Variants in PAX5 observed in about 807,000 individuals in gnomAD.
PAX5 encodes the protein paired box protein Pax-5.
PAX5 carries 9 observed loss-of-function variants against 43.7 expected under a neutral mutation model. The ratio of observed to expected loss-of-function variants is 0.21; its 90% CI spans 0.12 to 0.36. The LOEUF is 0.36. Among genes scored for constraint, PAX5 ranks in the 10% least tolerant of loss-of-function variants. The probability of loss-of-function intolerance (pLI) is 1.00; values close to 1 mark genes in which losing one functional copy is unlikely to be tolerated. For synonymous variants in PAX5, 228 were observed against 214.3 expected (o/e 1.06, Z -0.56); for missense variants, 383 against 532.7 (o/e 0.72, Z 2.77).
At chr9:36,988,685 A>G (rs1461346928) in intron 5 of PAX5, among the ~76,000 whole-genome samples, 798 of 33,996 alleles carry the variant, frequency 0.023, 6 homozygotes, top group African/African-American at 0.054. Flanking sequence ...AAAAAAAAAA[A>G]AGAGAGAGAG....
At chr9:37,004,737 T>G (rs2132413329) in intron 4 of PAX5, among the ~76,000 whole-genome samples, 1 of 152,314 alleles carries the variant, frequency 6.6e-6, no homozygotes, top group Non-Finnish European at 1.5e-5. Flanking sequence ...ACTTGGTACT[T>G]TAAACAACAA....
intron 8 of PAX5, among the ~76,000 whole-genome samples, chr9:36,855,668 G>T (rs1013243346): frequency 6.6e-6 from 1 of 152,088 alleles, no homozygotes; most frequent in Non-Finnish European, 1.5e-5. Context: ...AGGCCCTTCA[G>T]GGGCTGGTTC....
Position 37,034,103 on chromosome 9 carries a change from T to TTTTTTC in PAX5, c.-73_-72insGAAAAA. On this transcript the variant is annotated 5_prime_UTR_variant, in exon 1 of 10. Coordinates refer to ENST00000358127, the MANE Select transcript of PAX5 (RefSeq NM_016734.3). ...TTTTTTGTGCCTTTTTTTTTCTTTT[T>TTTTTTC]TTTTTTTTTTTTTTTTTTTTTTTGG... is the stretch of plus-strand genomic sequence containing the variant. 1.9e-6 allele frequency: 1 copy of TTTTTTC among 528,500 alleles called. No homozygotes were observed. Among genetic ancestry groups the TTTTTTC allele is most frequent in the South Asian group, 2.7e-5 (1 of 36,932 alleles). The allele number at this position is 528,500 out of a possible 1,614,324, so 32.7% of individuals were successfully genotyped here. A position where few individuals can be genotyped will look rare whatever the true frequency, so the allele number is the denominator to read the frequency against.
At chr9:36,952,451 T>C (rs967650015) in intron 6 of PAX5, among the ~76,000 whole-genome samples, 3 of 151,984 alleles carry the variant, frequency 2.0e-5, no homozygotes, top group Non-Finnish European at 4.4e-5. Context: ...TGTTCAATGG[T>C]ATGTTTAGAC....
At chr9:36,894,830 C>T (rs1189968477) in intron 7 of PAX5, among the ~76,000 whole-genome samples, 4 of 152,226 alleles carry the variant, frequency 2.6e-5, no homozygotes, top group Non-Finnish European at 4.4e-5. Context: ...TCACATCGAG[C>T]TGCTGTCAGA....
chr9:36,878,932 G>C (rs1032772467), intron 8 of PAX5, among the ~76,000 whole-genome samples: 1 of 152,248 alleles, frequency 6.6e-6, no homozygotes, highest in African/African-American at 2.4e-5. Context: ...CAGCAAGGAG[G>C]CTGGGGCAAG....
chr9:36,960,157 G>A (rs1310080636), intron 6 of PAX5, among the ~76,000 whole-genome samples: 5 of 152,238 alleles, frequency 3.3e-5, no homozygotes, highest in Non-Finnish European at 5.9e-5. Context: ...TCCTGGGCCC[G>A]GACAGGGTAG....
At chr9:36,902,928 A>C (rs73648169) in intron 7 of PAX5, among the ~76,000 whole-genome samples, 7,252 of 152,216 alleles carry the variant, frequency 0.048, 294 homozygotes, top group Admixed American at 0.097. Context: ...CAGAGCCCTA[A>C]GTGCAGCCTC....
chr9:36,936,375 G>A (rs971453956), intron 6 of PAX5, among the ~76,000 whole-genome samples: 4 of 152,238 alleles, frequency 2.6e-5, no homozygotes, highest in African/African-American at 9.6e-5. Context: ...TGTGGACAAA[G>A]GGAGGGAAAG....
chr9:36,869,828 ATAG>A (rs1563914373), intron 8 of PAX5, among the ~76,000 whole-genome samples: 27 of 150,466 alleles, frequency 1.8e-4, no homozygotes, highest in African/African-American at 5.1e-4. Context: ...GGATGGATGA[ATAG>A]ATGGATGGAT....
rs368036487 is a variant in PAX5 at position 37,034,088 on chromosome 9, C to CTTTTTTTTTTTTT, written c.-58_-57insAAAAAAAAAAAAA. The stretch of plus-strand genomic sequence containing the variant: ...GGGAAAAGTTTCCACTTTTTTGTGC[C>CTTTTTTTTTTTTT]TTTTTTTTTCTTTTTTTTTTTTTTT... On this transcript the variant is annotated 5_prime_UTR_variant, in exon 1 of 10. Coordinates refer to ENST00000358127, the MANE Select transcript of PAX5 (RefSeq NM_016734.3). 5 of 448,712 alleles carry CTTTTTTTTTTTTT rather than the reference C, an allele frequency of 1.1e-5. No homozygotes were observed. Among genetic ancestry groups the CTTTTTTTTTTTTT allele is most frequent in the South Asian group, 1.0e-4 (3 of 29,118 alleles). 27.8% of individuals were successfully genotyped at this position (448,712 alleles called of 1,614,324 possible). A position where few individuals can be genotyped will look rare whatever the true frequency, so the allele number is the denominator to read the frequency against.
chr9:36,878,608 G>C (rs1333293292), intron 8 of PAX5, among the ~76,000 whole-genome samples: 2 of 152,220 alleles, frequency 1.3e-5, no homozygotes, highest in East Asian at 3.9e-4. Flanking sequence ...GGTTGGGGAG[G>C]CTGGGAGAGG....
At chr9:36,866,349 C>G (rs979842862) in intron 8 of PAX5, among the ~76,000 whole-genome samples, 2 of 152,210 alleles carry the variant, frequency 1.3e-5, no homozygotes, top group African/African-American at 4.8e-5. Context: ...GTCTGGCTAC[C>G]TGACTCTGGG....
At chr9:36,913,505 G>A (rs1028937362) in intron 7 of PAX5, among the ~76,000 whole-genome samples, 1 of 152,210 alleles carries the variant, frequency 6.6e-6, no homozygotes, top group South Asian at 2.1e-4. Flanking sequence ...TAGGCACAGT[G>A]GCTCCCCCAT....
chr9:36,846,649 G>T (rs889191041), intron 9 of PAX5, among the ~76,000 whole-genome samples, 194 bp downstream of exon 9: 3 of 152,148 alleles, frequency 2.0e-5, no homozygotes, highest in Non-Finnish European at 2.9e-5. Flanking sequence ...AGGGAGGAGG[G>T]CATGAGCAGG....
intron 5 of PAX5, among the ~76,000 whole-genome samples, chr9:36,981,247 A>C (rs10973152): frequency 0.36 from 51,955 of 144,996 alleles, 9,776 homozygotes; most frequent in East Asian, 0.63. Flanking sequence ...TTTCCTCCAG[A>C]GCATAGAACA....
chr9:36,976,110 G>A (rs1265628245), intron 5 of PAX5, among the ~76,000 whole-genome samples: 4 of 152,138 alleles, frequency 2.6e-5, no homozygotes, highest in African/African-American at 7.2e-5. Context: ...TTTATGTCTC[G>A]CCTACTTCTA....
At chr9:36,863,394 G>T (rs1238813152) in intron 8 of PAX5, among the ~76,000 whole-genome samples, 1 of 152,212 alleles carries the variant, frequency 6.6e-6, no homozygotes, top group Non-Finnish European at 1.5e-5. Flanking sequence ...CTCCCCGAGT[G>T]CTGGGATTAC....
In PAX5 at chr9:36,834,755, T is replaced by C. The variant is rs150295001; in HGVS notation, c.*5805A>G. ...ATCATCCAAAATCACTTGTTCTTAATGATGCTTTTGGAGAAGATGAGGGAC... is the reference window on the plus strand; with the variant it reads ...ATCATCCAAAATCACTTGTTCTTAACGATGCTTTTGGAGAAGATGAGGGAC... On this transcript the variant is annotated 3_prime_UTR_variant, in exon 10 of 10. Coordinates refer to ENST00000358127, the MANE Select transcript of PAX5 (RefSeq NM_016734.3). 4.3e-6 allele frequency: 1 copy of C among 231,754 alleles called. No individual in the cohort carries two copies. Among genetic ancestry groups the C allele is most frequent in the East Asian group, 6.1e-5 (1 of 16,506 alleles). The allele number at this position is 231,754 out of a possible 1,614,324, so 14.4% of individuals were successfully genotyped here.
Sources: allele counts gnomAD v4.1 joint callset (sites outside exome capture counted in the v4.1 genomes callset), GRCh38; gene constraint gnomAD v4.1.1; transcripts MANE v1.5; gene names NCBI Gene and HGNC (gene_info 2026-07-23, HGNC 2026-07-21).